CHAF1B: variants seen among roughly 807,000 people sequenced by gnomAD.
CHAF1B encodes the protein CAF-1 subunit B.
Under a neutral mutation model 60.7 loss-of-function variants are expected in CHAF1B, and 10 were observed. The observed-to-expected ratio is 0.16, with a 90% CI of 0.10 to 0.28. The LOEUF (loss-of-function observed/expected upper bound fraction) is 0.28, where lower values mean the gene tolerates loss of function less well. CHAF1B is among the 10% of genes least tolerant of loss of function. The probability of loss-of-function intolerance (pLI) is 1.00; values close to 1 mark genes in which losing one functional copy is unlikely to be tolerated. For missense variants in CHAF1B, 558 were observed against 708.4 expected (o/e 0.79, Z 2.41); for synonymous variants, 261 against 266.1 (o/e 0.98, Z 0.19).
intron 4 of CHAF1B, among the ~76,000 whole-genome samples, chr21:36,393,104 C>T (rs998721679): frequency 6.6e-6 from 1 of 152,170 alleles, no homozygotes; most frequent in Non-Finnish European, 1.5e-5. Flanking sequence ...CCCAGGCACT[C>T]GGCAGGCTGA....
At position 36,409,383 on chromosome 21, in the gene CHAF1B, T is replaced by C; in HGVS notation, c.837T>C (p.Ala279=). Residue 279 remains alanine, a synonymous_variant, in exon 10 of 14, where the codon GCT becomes GCC. Transcript: ENST00000314103. ...FSRKNLKRPI[A]HLPCPGKATL... The stretch of plus-strand genomic sequence containing the variant: ...GCAATTAATCCATTAGGCCCATCGC[T>C]CATCTTCCATGTCCTGGAAAAGCCA... 1.2e-6 allele frequency: 2 copies of C among 1,613,248 alleles called. No individual in the cohort carries two copies. Among genetic ancestry groups the C allele is most frequent in the African/African-American group, 1.3e-5 (1 of 74,982 alleles).
At chr21:36,399,766 G>T (rs1381579353) in intron 7 of CHAF1B, among the ~76,000 whole-genome samples, 161 bp downstream of exon 7, 15 of 152,170 alleles carry the variant, frequency 9.9e-5, no homozygotes, top group African/African-American at 3.1e-4. Flanking sequence ...CAGTTACTGT[G>T]GTGGGCTAGT....
intron 8 of CHAF1B, among the ~76,000 whole-genome samples, chr21:36,404,774 C>T (rs1199858586): frequency 1.7e-5 from 2 of 115,282 alleles, no homozygotes; most frequent in African/African-American, 6.7e-5. Context: ...AGCAGAGTCT[C>T]GCTCTGTCAC....
At position 36,386,083 on chromosome 21, in the gene CHAF1B, T is replaced by C; in HGVS notation, c.-54T>C. On this transcript the variant is annotated 5_prime_UTR_variant, in exon 2 of 14. Coordinates refer to ENST00000314103, the MANE Select transcript of CHAF1B (RefSeq NM_005441.3). ...AGCATTTTGCAGCTTTCTCCTGTCT[T>C]GAAGAAGTAGAACGGTGCCCGAGAA... is the stretch of plus-strand genomic sequence containing the variant. 2 of 1,607,238 alleles carry C rather than the reference T, an allele frequency of 1.2e-6. No individual in the cohort carries two copies. Among genetic ancestry groups the C allele is most frequent in the East Asian group, 2.2e-5 (1 of 44,772 alleles).
chr21:36,395,887 A>G (rs61308860), intron 5 of CHAF1B, among the ~76,000 whole-genome samples: 1 of 151,922 alleles, frequency 6.6e-6, no homozygotes, highest in Non-Finnish European at 1.5e-5. Context: ...GTTGGCTGCC[A>G]CCGCAGCACT....
chr21:36,398,714 T>C (rs1330886972), intron 6 of CHAF1B, among the ~76,000 whole-genome samples: 1 of 152,242 alleles, frequency 6.6e-6, no homozygotes, highest in African/African-American at 2.4e-5. Context: ...ATTTTTGTGC[T>C]TTCTGAAAAG....
rs144475501 is a variant in CHAF1B at position 36,397,403 on chromosome 21, T to TG, written c.482-12_482-11insG. The TG allele has an allele frequency of 0.039, 54,655 of 1,410,380 alleles. 1,152 individuals are homozygous for TG. The highest frequency in any genetic ancestry group is 0.087 in the Middle Eastern group (480 of 5,494). 87.4% of individuals were successfully genotyped at this position (1,410,380 alleles called of 1,614,324 possible). A position where few individuals can be genotyped will look rare whatever the true frequency, so the allele number is the denominator to read the frequency against. The stretch of plus-strand genomic sequence containing the variant: ...TGCTGTTTTGGTGCGTGTGTGTGTG[T>TG]TTTTTTTGTAGGACAAAAGATATCA... On this transcript the variant is annotated splice_polypyrimidine_tract_variant and intron_variant, in intron 5 of 13. Transcript: ENST00000314103.
intron 9 of CHAF1B, 83 bp from the exon 10 acceptor site, chr21:36,409,291 G>A (rs533473285): frequency 4.5e-5 from 48 of 1,055,436 alleles, no homozygotes; most frequent in South Asian, 3.9e-4. Context: ...GTGAGCCACC[G>A]CGCCCTGCCA....
chr21:36,391,308 G>A (rs527449079), intron 3 of CHAF1B, among the ~76,000 whole-genome samples: 61 of 152,072 alleles, frequency 4.0e-4, no homozygotes, highest in South Asian at 1.0e-3. Context: ...CAACATAAAT[G>A]TTGTTTTAAT....
rs1201189098 is a variant in CHAF1B at position 36,408,961 on chromosome 21, T to A, written c.827+131T>A. On this transcript the variant is annotated intron_variant, in intron 9 of 13. Coordinates refer to ENST00000314103, the MANE Select transcript of CHAF1B (RefSeq NM_005441.3). Reference sequence around the variant, plus strand: ...CCTCTGCCTCCCGGGTTCAAGTGATTCTCCTGCCTCAGCCTCTTGAGTAGG... The same window carrying A: ...CCTCTGCCTCCCGGGTTCAAGTGATACTCCTGCCTCAGCCTCTTGAGTAGG... 3 of 609,348 alleles carry A rather than the reference T, an allele frequency of 4.9e-6. No homozygotes were observed. The African/African-American group carries it at 5.6e-5, about 11-fold the overall frequency. 37.7% of individuals were successfully genotyped at this position (609,348 alleles called of 1,614,324 possible).
At chr21:36,401,913 G>A (rs985699406) in intron 7 of CHAF1B, among the ~76,000 whole-genome samples, 1 of 151,730 alleles carries the variant, frequency 6.6e-6, no homozygotes, top group African/African-American at 2.4e-5. Flanking sequence ...GATAATTTTT[G>A]TATTTTTAGT....
At chr21:36,393,353 T>TA (rs2086108350) in intron 4 of CHAF1B, among the ~76,000 whole-genome samples, 1 of 152,038 alleles carries the variant, frequency 6.6e-6, no homozygotes, top group Admixed American at 6.6e-5. Context: ...ACAATAGTTT[T>TA]AAAGGATGAA....
Position 36,411,522 on chromosome 21 carries a change from G to C in CHAF1B, c.979G>C (p.Val327Leu). 6.2e-7 allele frequency: 1 copy of C among 1,614,028 alleles called. No homozygotes were observed. The change falls in exon 11 of 14, where the codon GTG (valine) becomes CTG (leucine). Residue 327 changes from valine (V) to leucine (L), a missense_variant. Coordinates refer to ENST00000314103, the MANE Select transcript of CHAF1B (RefSeq NM_005441.3). ...GTTTGCTGTGGCCTCGGAGGATTCC[G>C]TGCTTCTGTATGACACCCAGCAGTC... Reference protein sequence around the residue: ...LVFAVASEDSVLLYDTQQSFP... With the variant: ...LVFAVASEDSLLLYDTQQSFP...
chr21:36,393,016 C>A (rs1484492901), intron 4 of CHAF1B, among the ~76,000 whole-genome samples: 3 of 152,162 alleles, frequency 2.0e-5, no homozygotes, highest in Non-Finnish European at 4.4e-5. Flanking sequence ...TGGAGACCAG[C>A]CCGGCCAACA....
intron 3 of CHAF1B, among the ~76,000 whole-genome samples, chr21:36,389,758 GATGTGT>G (rs2086067994): frequency 1.7e-5 from 2 of 118,628 alleles, no homozygotes; most frequent in South Asian, 5.5e-4. Flanking sequence ...TGCATGAAGG[GATGTGT>G]GTGTGTGTGT....
In CHAF1B at chr21:36,416,360, C is replaced by T. The variant is rs2086319712; in HGVS notation, c.1674C>T (p.Asp558=). 3.7e-6 allele frequency: 6 copies of T among 1,613,536 alleles called. No individual in the cohort carries two copies. The highest frequency in any genetic ancestry group is 5.1e-6 in the Non-Finnish European group (6 of 1,179,742). ...ACAAAGGAGGCACGGAAAGTCTGGA[C>T]CCTTGATGGGACCTCGGCTTCTGCT... ...DENKGGTESL[D]P The change falls in exon 14 of 14, where the codon GAC becomes GAT. Residue 558 remains aspartate, a synonymous_variant. Transcript: ENST00000314103.
intron 5 of CHAF1B, among the ~76,000 whole-genome samples, chr21:36,397,092 C>G (rs2086146243): frequency 6.6e-6 from 1 of 152,174 alleles, no homozygotes; most frequent in African/African-American, 2.4e-5. Flanking sequence ...CCTCTTCATC[C>G]TGCCTGACCT....
rs749877526 is a variant in CHAF1B, at chr21:36,411,564, G to T, written c.1021G>T (p.Val341Leu). Residue 341 changes from valine (V) to leucine (L), a missense_variant, in exon 11 of 14, where the codon GTG (valine) becomes TTG (leucine). This residue lies in a region of CHAF1B where 325 missense variants were observed against 493.5 expected (regional missense o/e 0.66). Coordinates refer to ENST00000314103, the MANE Select transcript of CHAF1B (RefSeq NM_005441.3). ...CCAGCAGTCCTTCCCTTTTGGTTACGTGTCTAATATACATTACCACACCCT... is the reference window on the plus strand; with the variant it reads ...CCAGCAGTCCTTCCCTTTTGGTTACTTGTCTAATATACATTACCACACCCT... ...DTQQSFPFGYVSNIHYHTLSD... is the reference protein window; with the variant it reads ...DTQQSFPFGYLSNIHYHTLSD... The T allele has an allele frequency of 6.2e-7, 1 of 1,613,928 alleles. No homozygotes were observed. The highest frequency in any genetic ancestry group is 1.3e-5 in the African/African-American group (1 of 74,878).
chr21:36,414,908 C>T (rs1467158018), intron 12 of CHAF1B, among the ~76,000 whole-genome samples: 2 of 152,140 alleles, frequency 1.3e-5, no homozygotes, highest in Non-Finnish European at 2.9e-5. Context: ...CCATCTTGCC[C>T]GGCCCAACGC....
Sources: allele counts gnomAD v4.1 joint callset (sites outside exome capture counted in the v4.1 genomes callset), GRCh38; gene constraint gnomAD v4.1.1; regional missense constraint gnomAD v4.1.1; transcripts MANE v1.5; gene names NCBI Gene and HGNC (gene_info 2026-07-23, HGNC 2026-07-21).